Variants in GBP2 observed in about 807,000 individuals in gnomAD.
GBP2 encodes the protein guanylate binding protein 2.
A neutral mutation model predicts 60.8 loss-of-function variants in GBP2; 54 were observed. That is an observed-to-expected ratio of 0.89 (90% CI 0.71 to 1.11). GBP2 has a LOEUF of 1.11. Ranked by LOEUF, GBP2 falls within the 50% of genes most tolerant of loss-of-function variation. The probability of loss-of-function intolerance (pLI) is 0.00; values close to 1 mark genes in which losing one functional copy is unlikely to be tolerated. For synonymous variants in GBP2, 243 were observed against 256.5 expected (o/e 0.95, Z 0.50); for missense variants, 665 against 703.3 (o/e 0.95, Z 0.62).
intron 8 of GBP2, among the ~76,000 whole-genome samples, chr1:89,110,907 A>G (rs548373915): frequency 4.6e-5 from 7 of 152,236 alleles, no homozygotes; most frequent in Non-Finnish European, 7.3e-5. Context: ...AAAGTCCTCA[A>G]TAAAGTACTA....
chr1:89,110,134 A>G, intron 9 of GBP2, 30 bp downstream of exon 9: 1 of 1,509,334 alleles, frequency 6.6e-7, no homozygotes, highest in South Asian at 1.1e-5. Context: ...GAGCTTTCCG[A>G]CCATGTAGAG....
At chr1:89,115,705 G>T (rs1429441466) in intron 6 of GBP2, among the ~76,000 whole-genome samples, 1 of 152,114 alleles carries the variant, frequency 6.6e-6, no homozygotes, top group Non-Finnish European at 1.5e-5. Flanking sequence ...CTCATGCTGG[G>T]TCCTCCTGCC....
chr1:89,125,320 A>T (rs1681497621), intron 1 of GBP2, among the ~76,000 whole-genome samples: 1 of 152,188 alleles, frequency 6.6e-6, no homozygotes, highest in Non-Finnish European at 1.5e-5. Context: ...TGGCAAAAAA[A>T]CTATTTTTCT....
intron 8 of GBP2, among the ~76,000 whole-genome samples, 197 bp from the exon 9 acceptor site, chr1:89,110,463 T>C (rs1207625674): frequency 6.6e-6 from 1 of 152,054 alleles, no homozygotes; most frequent in African/African-American, 2.4e-5. Flanking sequence ...AATGAGTGGA[T>C]AAAAAATTGT....
In GBP2 at chr1:89,106,192, C is replaced by G. The variant is rs1338087662; in HGVS notation, c.*1983G>C. 6.6e-6 allele frequency: 1 copy of G among 151,562 alleles called. No homozygotes were observed. Among genetic ancestry groups the G allele is most frequent in the East Asian group, 1.9e-4 (1 of 5,188 alleles). The allele number at this position is 151,562 out of a possible 1,614,324, so 9.4% of individuals were successfully genotyped here. A position where few individuals can be genotyped will look rare whatever the true frequency, so the allele number is the denominator to read the frequency against. ...AGACTATTCATTTATCTGAGAGTGA[C>G]TAATGAACAAACAGGAAAGAAATGT... On this transcript the variant is annotated 3_prime_UTR_variant, in exon 11 of 11. Transcript: ENST00000370466.
chr1:89,122,462 T>G (rs758932893), intron 1 of GBP2, among the ~76,000 whole-genome samples: 1 of 152,254 alleles, frequency 6.6e-6, no homozygotes, highest in Non-Finnish European at 1.5e-5. Flanking sequence ...TTTGACATTT[T>G]AGAAGTTGAC....
intron 6 of GBP2, 114 bp downstream of exon 6, chr1:89,116,878 G>T: frequency 1.0e-6 from 1 of 965,060 alleles, no homozygotes. Flanking sequence ...TATTTTCCTT[G>T]CCATCAATAG....
intron 10 of GBP2, among the ~76,000 whole-genome samples, chr1:89,109,273 T>C (rs895414123): frequency 1.3e-5 from 2 of 152,184 alleles, no homozygotes; most frequent in African/African-American, 4.8e-5. Context: ...AAAATCCCCA[T>C]GGATCCCTCT....
At position 89,107,894 on chromosome 1, in the gene GBP2, A is replaced by G; in HGVS notation, c.*281T>C. The G allele has an allele frequency of 1.1e-5, 3 of 277,350 alleles. No homozygotes were observed. The highest frequency in any genetic ancestry group is 1.2e-3 in the Middle Eastern group (1 of 842). 17.2% of individuals were successfully genotyped at this position (277,350 alleles called of 1,614,324 possible). A position where few individuals can be genotyped will look rare whatever the true frequency, so the allele number is the denominator to read the frequency against. On this transcript the variant is annotated 3_prime_UTR_variant, in exon 11 of 11. Transcript: ENST00000370466. ...TTGGAAAATGCATCCTAGTTACACA[A>G]TATCTCTCTTGAGTCCTTGTGTATG...
At chr1:89,122,907 A>G (rs1681431915) in intron 1 of GBP2, among the ~76,000 whole-genome samples, 9 of 152,190 alleles carry the variant, frequency 5.9e-5, no homozygotes, top group Admixed American at 5.2e-4. Flanking sequence ...TTCTAATGTG[A>G]GCAAGAACTG....
chr1:89,120,488 T>C (rs1431020859), intron 3 of GBP2, among the ~76,000 whole-genome samples, 200 bp from the exon 4 acceptor site: 1 of 152,208 alleles, frequency 6.6e-6, no homozygotes, highest in African/African-American at 2.4e-5. Flanking sequence ...AGGTGTTATA[T>C]ATAAATATAT....
intron 8 of GBP2, among the ~76,000 whole-genome samples, chr1:89,112,226 T>C (rs1239067852): frequency 1.3e-5 from 2 of 152,214 alleles, no homozygotes; most frequent in Non-Finnish European, 2.9e-5. Flanking sequence ...AAATAAATAA[T>C]TGTTGAATGA....
intron 1 of GBP2, among the ~76,000 whole-genome samples, chr1:89,122,208 G>A (rs111658709): frequency 6.6e-6 from 1 of 152,056 alleles, no homozygotes; most frequent in Non-Finnish European, 1.5e-5. Context: ...TGTACAATGG[G>A]TATGGAAAGT....
At chr1:89,119,318 A>T (rs1186106725) in intron 4 of GBP2, 1 of 152,210 alleles carries the variant, frequency 6.6e-6, no homozygotes, top group Non-Finnish European at 1.5e-5. Context: ...ATGAGGTGAG[A>T]ACTGTGCATT....
chr1:89,114,325 G>A lies in GBP2; in HGVS notation c.869-29C>T, dbSNP rs770409376. On this transcript the variant is annotated intron_variant, in intron 6 of 10. Coordinates refer to ENST00000370466, the MANE Select transcript of GBP2 (RefSeq NM_004120.5). ...CAAAAGGGAATTTTTAAAAAAATGT[G>A]ACTATCAGTTGGTGGGACAGAATAT... is the stretch of plus-strand genomic sequence containing the variant. The A allele has an allele frequency of 1.7e-5, 28 of 1,606,766 alleles. No individual in the cohort carries two copies. The Admixed American group carries it at 4.5e-4, about 26-fold the overall frequency.
chr1:89,121,550 T>C (rs1407378494), intron 2 of GBP2, among the ~76,000 whole-genome samples: 1 of 152,214 alleles, frequency 6.6e-6, no homozygotes, highest in African/African-American at 2.4e-5. Context: ...TTATTAACAT[T>C]GTGTTCCTTC....
chr1:89,125,417 C>T (rs1269608034), intron 1 of GBP2, among the ~76,000 whole-genome samples: 2 of 152,122 alleles, frequency 1.3e-5, no homozygotes, highest in Non-Finnish European at 2.9e-5. Context: ...TGATGTAAAC[C>T]ACCTTAAAAT....
intron 1 of GBP2, among the ~76,000 whole-genome samples, chr1:89,124,265 G>C (rs941830630): frequency 6.6e-6 from 1 of 152,202 alleles, no homozygotes; most frequent in Non-Finnish European, 1.5e-5. Context: ...CTATAAGTGA[G>C]ATTGCCAGGT....
At chr1:89,122,978 C>A (rs1681433809) in intron 1 of GBP2, among the ~76,000 whole-genome samples, 1 of 151,090 alleles carries the variant, frequency 6.6e-6, no homozygotes, top group Non-Finnish European at 1.5e-5. Context: ...CAGTGTAGAT[C>A]TATAGTAGAT....
Sources: allele counts gnomAD v4.1 joint callset (sites outside exome capture counted in the v4.1 genomes callset), GRCh38; gene constraint gnomAD v4.1.1; transcripts MANE v1.5; gene names NCBI Gene and HGNC (gene_info 2026-07-23, HGNC 2026-07-21).